The following CATSPERD variants were observed in gnomAD, a reference collection of about 807,000 sequenced individuals.
The protein encoded by CATSPERD is cation channel sperm-associated auxiliary subunit delta.
A neutral mutation model predicts 98.1 loss-of-function variants in CATSPERD; 86 were observed. The observed-to-expected ratio is 0.88, with a 90% CI of 0.74 to 1.05. CATSPERD has a LOEUF of 1.05. CATSPERD is among the 50% of genes least tolerant of loss of function. CATSPERD has a pLI of 0.00. For missense variants in CATSPERD, 995 were observed against 1,005.7 expected, an observed-to-expected ratio of 0.99 and a Z score of 0.14; for synonymous variants, 394 against 390.2, an observed-to-expected ratio of 1.01 and a Z score of -0.12.
chr19:5,747,052 C>T (rs767559169), intron 9 of CATSPERD, among the ~76,000 whole-genome samples: 1 of 151,892 alleles, frequency 6.6e-6, no homozygotes, highest in Non-Finnish European at 1.5e-5. Flanking sequence ...CCTGTGTTGC[C>T]CAGGCTGGTC....
Position 5,776,192 on chromosome 19 carries a change from A to G in CATSPERD, c.1973A>G (p.Asn658Ser), listed in dbSNP as rs766353123. 6.2e-6 allele frequency: 10 copies of G among 1,613,940 alleles called. No homozygotes were observed. The East Asian group carries it at 2.0e-4, about 32-fold the overall frequency. The change falls in exon 21 of 22, where the codon AAT becomes AGT. Residue 658 changes from asparagine to serine, a missense_variant. Physicochemically the swap from Asn to Ser is conservative, Grantham distance 46 (BLOSUM62 1). This residue lies in a region of CATSPERD where 762 missense variants were observed against 773.7 expected (regional missense o/e 0.98). Transcript: ENST00000381624. Reference sequence around the variant, plus strand: ...GTGAGCTGCCACGACCCCAACAACAATGCCCCTTTGAGGTGGCCAGACGTC... The same window carrying G: ...GTGAGCTGCCACGACCCCAACAACAGTGCCCCTTTGAGGTGGCCAGACGTC... ...NYVSCHDPNN[N>S]APLRWPDVQY...
chr19:5,772,667 G>A (rs1006113122), intron 19 of CATSPERD, 121 bp from the exon 20 acceptor site: 5 of 1,006,444 alleles, frequency 5.0e-6, no homozygotes, highest in Non-Finnish European at 7.4e-6. Flanking sequence ...GCGTCCTTTG[G>A]TTTCCTCTCT....
At chr19:5,726,641 C>G (rs2055609293) in intron 2 of CATSPERD, among the ~76,000 whole-genome samples, 1 of 152,044 alleles carries the variant, frequency 6.6e-6, no homozygotes, top group Admixed American at 6.6e-5. Context: ...CTCAGCCTCC[C>G]AAAGTGTTGG....
At chr19:5,762,174 G>A (rs2056453801) in intron 15 of CATSPERD, among the ~76,000 whole-genome samples, 1 of 142,644 alleles carries the variant, frequency 7.0e-6, no homozygotes, top group African/African-American at 2.6e-5. Flanking sequence ...AGTGATTCTT[G>A]TGTCTTGGCC....
In CATSPERD at chr19:5,731,650, A is replaced by G. The variant is rs935180674; in HGVS notation, c.276+1706A>G. Among the ~76,000 whole-genome samples the G allele has an allele frequency of 4.0e-5, 5 of 124,350 alleles. No individual in the cohort carries two copies. In the Admixed American group the frequency reaches 4.6e-4, roughly 12 times the overall value. 81.6% of individuals were successfully genotyped at this position (124,350 alleles called of 152,430 possible). On this transcript the variant is annotated intron_variant, in intron 4 of 21. Coordinates refer to ENST00000381624, the MANE Select transcript of CATSPERD (RefSeq NM_152784.4). ...GACTGCAGTGGCGCAATCTCGGCTC[A>G]CTGCAAGCTCCGCTTCCCGGGTTCA...
intron 11 of CATSPERD, among the ~76,000 whole-genome samples, chr19:5,750,171 G>A (rs1211690934): frequency 4.7e-5 from 7 of 149,970 alleles, no homozygotes; most frequent in South Asian, 2.1e-4. Context: ...TATTTTGGCC[G>A]GGCGTGGTGG....
In CATSPERD at chr19:5,748,022, A is replaced by T. The variant is rs894387325; in HGVS notation, c.809-138A>T. On this transcript the variant is annotated intron_variant, in intron 9 of 21. Coordinates refer to ENST00000381624, the MANE Select transcript of CATSPERD (RefSeq NM_152784.4). ...TTCTCCTTTGAATAGCAAACCTCTC[A>T]AAAGCTATAAGGAACATCGAAAGAG... 4.7e-6 allele frequency: 3 copies of T among 637,346 alleles called. No individual in the cohort carries two copies. The African/African-American group carries it at 5.5e-5, about 12-fold the overall frequency. The allele number at this position is 637,346 out of a possible 1,614,324, so 39.5% of individuals were successfully genotyped here.
intron 2 of CATSPERD, 36 bp downstream of exon 2, chr19:5,724,898 T>C: frequency 1.6e-5 from 26 of 1,600,588 alleles, no homozygotes; most frequent in Non-Finnish European, 2.1e-5. Context: ...TCCTTCACTT[T>C]TGTCTAAGTA....
chr19:5,727,854 T>A (rs957190636), intron 3 of CATSPERD, among the ~76,000 whole-genome samples: 2 of 151,928 alleles, frequency 1.3e-5, no homozygotes, highest in Non-Finnish European at 2.9e-5. Flanking sequence ...TGGGGCTGCA[T>A]GACTCCTGTT....
intron 11 of CATSPERD, among the ~76,000 whole-genome samples, chr19:5,749,930 A>G (rs538893288): frequency 6.7e-6 from 1 of 150,248 alleles, no homozygotes; most frequent in African/African-American, 2.4e-5. Context: ...CAGCCTCCCG[A>G]GTAGCTGGGA....
At chr19:5,742,421 C>A (rs2056007504) in intron 7 of CATSPERD, among the ~76,000 whole-genome samples, 1 of 152,130 alleles carries the variant, frequency 6.6e-6, no homozygotes, top group African/African-American at 2.4e-5. Flanking sequence ...GAGGTTACCG[C>A]AGAGAATAGT....
intron 7 of CATSPERD, among the ~76,000 whole-genome samples, chr19:5,740,076 G>A (rs1229414931): frequency 6.6e-6 from 1 of 152,020 alleles, no homozygotes; most frequent in Non-Finnish European, 1.5e-5. Flanking sequence ...GAGGTTGGGA[G>A]TTCAAGACCA....
chr19:5,772,731 G>T, intron 19 of CATSPERD, 57 bp from the exon 20 acceptor site: 1 of 1,549,590 alleles, frequency 6.5e-7, no homozygotes, highest in South Asian at 1.2e-5. Flanking sequence ...CTGTGGCCCG[G>T]GTCTTCCTGG....
At chr19:5,766,245 G>A in intron 17 of CATSPERD, 90 bp downstream of exon 17, 1 of 880,216 alleles carries the variant, frequency 1.1e-6, no homozygotes, top group Non-Finnish European at 1.7e-6. Context: ...CAGGTCAGGA[G>A]TTCAAGACCA....
Position 5,771,020 on chromosome 19 carries a change from G to C in CATSPERD, c.1711G>C (p.Gly571Arg), listed in dbSNP as rs1195014689. Residue 571 changes from glycine (G) to arginine (R), a missense_variant, in exon 19 of 22, where the codon GGC becomes CGC. This residue lies in a region of CATSPERD where 762 missense variants were observed against 773.7 expected (regional missense o/e 0.98). Coordinates refer to ENST00000381624, the MANE Select transcript of CATSPERD (RefSeq NM_152784.4). ...LHVFYSYQQL[G>R]CPLLVYYDTL... The stretch of plus-strand genomic sequence containing the variant: ...CGTGTTTTACTCCTACCAGCAGCTG[G>C]GCTGTCCTCTCCTCGTCTACTATGA... 6.2e-6 allele frequency: 10 copies of C among 1,614,010 alleles called. No homozygotes were observed. The highest frequency in any genetic ancestry group is 8.5e-6 in the Non-Finnish European group (10 of 1,179,970).
chr19:5,739,310 T>A lies in CATSPERD; in HGVS notation c.460-16T>A. The A allele has an allele frequency of 2.7e-6, 1 of 371,536 alleles. No individual in the cohort carries two copies. The highest frequency in any genetic ancestry group is 4.2e-6 in the Non-Finnish European group (1 of 239,510). The allele number at this position is 371,536 out of a possible 1,614,324, so 23.0% of individuals were successfully genotyped here. A position where few individuals can be genotyped will look rare whatever the true frequency, so the allele number is the denominator to read the frequency against. ...GCATCTTTCTTTCATTCTTTCTTTC[T>A]TTTTTTTTTTTATAGCATGTCAGTA... On this transcript the variant is annotated splice_polypyrimidine_tract_variant and intron_variant, in intron 6 of 21. Transcript: ENST00000381624.
At position 5,766,113 on chromosome 19, in the gene CATSPERD, T is replaced by C; in HGVS notation, c.1517T>C (p.Ile506Thr). The change falls in exon 17 of 22, where the codon ATT (isoleucine) becomes ACT (threonine). Residue 506 changes from isoleucine to threonine, a missense_variant. This residue lies in a region of CATSPERD where 762 missense variants were observed against 773.7 expected (regional missense o/e 0.98). Coordinates refer to ENST00000381624, the MANE Select transcript of CATSPERD (RefSeq NM_152784.4). ...CTCTCTCCTCTGCAGTCGACACTGA[T>C]TTCAGTTGGCTGCGACCTGGATAAA... ...CVDIKPLSTL[I>T]SVGCDLDKKI... 1 of 1,613,128 alleles carries C rather than the reference T, an allele frequency of 6.2e-7. No individual in the cohort carries two copies. The highest frequency in any genetic ancestry group is 1.1e-5 in the South Asian group (1 of 90,962).
chr19:5,743,534 G>T (rs965070032), intron 7 of CATSPERD, among the ~76,000 whole-genome samples: 25 of 151,564 alleles, frequency 1.6e-4, no homozygotes, highest in African/African-American at 6.1e-4. Context: ...AGGAGACAGA[G>T]GTTGCAGTGA....
chr19:5,757,537 T>TCC (rs1568363280), intron 13 of CATSPERD, among the ~76,000 whole-genome samples: 2 of 151,456 alleles, frequency 1.3e-5, no homozygotes, highest in Non-Finnish European at 2.9e-5. Context: ...CCTCAGGTGA[T>TCC]CCACCTGCCT....
Sources: allele counts gnomAD v4.1 joint callset (sites outside exome capture counted in the v4.1 genomes callset), GRCh38; gene constraint gnomAD v4.1.1; regional missense constraint gnomAD v4.1.1; transcripts MANE v1.5; gene names NCBI Gene and HGNC (gene_info 2026-07-23, HGNC 2026-07-21).